The following OSTM1 variants were observed in gnomAD, a reference collection of about 807,000 sequenced individuals.
OSTM1 encodes osteopetrosis-associated transmembrane protein 1.
In OSTM1, 26 loss-of-function variants were observed where a neutral mutation model predicts 35.4. The observed-to-expected ratio is 0.73, with a 90% CI of 0.54 to 1.02. OSTM1 has a LOEUF of 1.02. Among genes scored for constraint, OSTM1 ranks in the 50% least tolerant of loss-of-function variants. The pLI is 0.00. For missense variants in OSTM1, 366 were observed against 409.6 expected (o/e 0.89, Z 0.92); for synonymous variants, 181 against 165.0 (o/e 1.10, Z -0.75).
intron 2 of OSTM1, among the ~76,000 whole-genome samples, chr6:108,062,218 T>C (rs2114604287): frequency 6.6e-6 from 1 of 152,280 alleles, no homozygotes; most frequent in Non-Finnish European, 1.5e-5. Context: ...ACACAAGTAG[T>C]GCCATACCAT....
At chr6:108,072,049 T>A (rs1171162484) in intron 1 of OSTM1, among the ~76,000 whole-genome samples, 2 of 152,208 alleles carry the variant, frequency 1.3e-5, no homozygotes, top group Admixed American at 6.5e-5. Flanking sequence ...CCACAGTACC[T>A]ACACACATGA....
chr6:108,058,455 A>AT (rs1191924897), intron 2 of OSTM1, among the ~76,000 whole-genome samples: 2 of 151,974 alleles, frequency 1.3e-5, no homozygotes, highest in East Asian at 3.9e-4. Context: ...TAATATGATT[A>AT]TAACGCTTAG....
At chr6:108,046,168 A>ATTTTTTTTTTTTTTTTT (rs750495431) in intron 5 of OSTM1, among the ~76,000 whole-genome samples, 2 of 93,484 alleles carry the variant, frequency 2.1e-5, no homozygotes, top group African/African-American at 1.1e-4. Flanking sequence ...CGCCCAGCTA[A>ATTTTTTTTTTTTTTTTT]TTTTTTTTTT....
chr6:108,046,168 A>ATTTTT (rs750495431), intron 5 of OSTM1, among the ~76,000 whole-genome samples: 1,991 of 93,268 alleles, frequency 0.021, 20 homozygotes, highest in East Asian at 0.13. Flanking sequence ...CGCCCAGCTA[A>ATTTTT]TTTTTTTTTT....
intron 3 of OSTM1, among the ~76,000 whole-genome samples, chr6:108,051,730 T>C (rs1240932231): frequency 6.6e-6 from 1 of 152,134 alleles, no homozygotes; most frequent in Non-Finnish European, 1.5e-5. Flanking sequence ...AACTCTCTTA[T>C]CACAAGGCTC....
intron 3 of OSTM1, among the ~76,000 whole-genome samples, chr6:108,052,432 CA>C (rs1174266231): frequency 0.055 from 3,625 of 66,246 alleles, 110 homozygotes; most frequent in African/African-American, 0.15. Flanking sequence ...GACTCCGTCT[CA>C]AAAAAAAAAA....
chr6:108,054,762 T>C (rs889845221), intron 2 of OSTM1, among the ~76,000 whole-genome samples, 175 bp from the exon 3 acceptor site: 2 of 152,220 alleles, frequency 1.3e-5, no homozygotes, highest in African/African-American at 2.4e-5. Flanking sequence ...GTTAAAAAAG[T>C]CATAACCATT....
chr6:108,053,422 TC>T (rs202003513), intron 3 of OSTM1, among the ~76,000 whole-genome samples: 6,190 of 152,320 alleles, frequency 0.041, 431 homozygotes, highest in Admixed American at 0.19. Context: ...GTAAAGCATT[TC>T]CCAACCTTAA....
At chr6:108,044,872 T>C in intron 5 of OSTM1, 32 bp from the exon 6 acceptor site, 1 of 1,082,306 alleles carries the variant, frequency 9.2e-7, no homozygotes, top group Non-Finnish European at 1.4e-6. Flanking sequence ...TATTTTAATT[T>C]AAATTTAATT....
At chr6:108,052,557 C>T (rs1772096202) in intron 3 of OSTM1, among the ~76,000 whole-genome samples, 1 of 138,236 alleles carries the variant, frequency 7.2e-6, no homozygotes, top group Non-Finnish European at 1.5e-5. Context: ...CTATTTTGCC[C>T]AGGCTAATTT....
rs9386700 is a variant in OSTM1, at chr6:108,042,484, T to C, written c.*2301A>G. 48,311 of 149,114 alleles carry C rather than the reference T, an allele frequency of 0.32. 8,404 individuals carry two copies. Among genetic ancestry groups the C allele is most frequent in the Admixed American group, 0.47 (6,905 of 14,848 alleles). The allele number at this position is 149,114 out of a possible 1,614,324, so 9.2% of individuals were successfully genotyped here. A position where few individuals can be genotyped will look rare whatever the true frequency, so the allele number is the denominator to read the frequency against. On this transcript the variant is annotated 3_prime_UTR_variant, in exon 6 of 6. Transcript: ENST00000193322. ...AGGTTGGAATGCAGTGGTACAATCT[T>C]GGCTCATTGCAACCTCCACCTCCCG...
intron 1 of OSTM1, among the ~76,000 whole-genome samples, chr6:108,070,424 C>T (rs1374794039): frequency 1.3e-5 from 2 of 152,182 alleles, no homozygotes; most frequent in Non-Finnish European, 2.9e-5. Context: ...TGATATTTTC[C>T]TATTTCCCCA....
intron 1 of OSTM1, among the ~76,000 whole-genome samples, chr6:108,071,209 G>T (rs1355866383): frequency 6.6e-6 from 1 of 151,586 alleles, no homozygotes; most frequent in Non-Finnish European, 1.5e-5. Context: ...AAAAAGAAAA[G>T]AAAATATACT....
At position 108,043,710 on chromosome 6, in the gene OSTM1, C is replaced by T. The variant is rs1244992156; in HGVS notation, c.*1075G>A. ...ATGTGATTTCATTTCAATCGTATCA[C>T]TTTCATCTGATTGAAATAATTTAGA... On this transcript the variant is annotated 3_prime_UTR_variant, in exon 6 of 6. Coordinates refer to ENST00000193322, the MANE Select transcript of OSTM1 (RefSeq NM_014028.4). 3 of 152,194 alleles carry T rather than the reference C, an allele frequency of 2.0e-5. No homozygotes were observed. Among genetic ancestry groups the T allele is most frequent in the Admixed American group, 1.3e-4 (2 of 15,274 alleles). 9.4% of individuals were successfully genotyped at this position (152,194 alleles called of 1,614,324 possible).
At position 108,042,095 on chromosome 6, in the gene OSTM1, T is replaced by C. The variant is rs1167160646; in HGVS notation, c.*2690A>G. 6.6e-6 allele frequency: 1 copy of C among 151,808 alleles called. No individual in the cohort carries two copies. The highest frequency in any genetic ancestry group is 1.9e-4 in the East Asian group (1 of 5,164). The allele number at this position is 151,808 out of a possible 1,614,324, so 9.4% of individuals were successfully genotyped here. A position where few individuals can be genotyped will look rare whatever the true frequency, so the allele number is the denominator to read the frequency against. Reference sequence around the variant, plus strand: ...AAACATTAGAAAATACTAGTCCCAATATAAGTAACATTTACCAACTAGACT... The same window carrying C: ...AAACATTAGAAAATACTAGTCCCAACATAAGTAACATTTACCAACTAGACT... On this transcript the variant is annotated 3_prime_UTR_variant, in exon 6 of 6. Coordinates refer to ENST00000193322, the MANE Select transcript of OSTM1 (RefSeq NM_014028.4).
intron 3 of OSTM1, among the ~76,000 whole-genome samples, chr6:108,052,205 T>C (rs563661567): frequency 4.6e-5 from 7 of 152,094 alleles, no homozygotes; most frequent in East Asian, 3.9e-4. Context: ...GAGGCCGAGG[T>C]GGGCGGATCA....
intron 2 of OSTM1, among the ~76,000 whole-genome samples, chr6:108,056,727 A>G (rs995234317): frequency 6.6e-6 from 1 of 152,156 alleles, no homozygotes; most frequent in African/African-American, 2.4e-5. Context: ...CACCCATTGT[A>G]CACAGGATCC....
chr6:108,051,007 TC>T lies in OSTM1; in HGVS notation c.783+23del, dbSNP rs1772065364. 11 of 1,573,696 alleles carry T rather than the reference TC, an allele frequency of 7.0e-6. No homozygotes were observed. In the East Asian group the frequency reaches 2.5e-4, roughly 35 times the overall value. On this transcript the variant is annotated intron_variant, in intron 4 of 5. Coordinates refer to ENST00000193322, the MANE Select transcript of OSTM1 (RefSeq NM_014028.4). ...ATTCAATAACACTCTAAAATATGTA[TC>T]ACATCAGAAGCAAAGTACTTACTGC...
intron 2 of OSTM1, among the ~76,000 whole-genome samples, chr6:108,062,029 A>G (rs531388936): frequency 1.3e-5 from 2 of 150,760 alleles, no homozygotes; most frequent in East Asian, 1.9e-4. Context: ...TTCTATTTCT[A>G]TGTTTTTTTT....
Sources: allele counts gnomAD v4.1 joint callset (sites outside exome capture counted in the v4.1 genomes callset), GRCh38; gene constraint gnomAD v4.1.1; transcripts MANE v1.5; gene names NCBI Gene and HGNC (gene_info 2026-07-23, HGNC 2026-07-21).